C12orf42: variants seen among roughly 807,000 people sequenced by gnomAD.
The protein encoded by C12orf42 is uncharacterized protein C12orf42.
C12orf42 carries 25 observed loss-of-function variants against 21.6 expected under a neutral mutation model. That is an observed-to-expected ratio of 1.16 (90% CI 0.84 to 1.62). The LOEUF (loss-of-function observed/expected upper bound fraction) is 1.62. Among genes scored for constraint, C12orf42 ranks in the 40% most tolerant of loss-of-function variants. The pLI is 0.00. For synonymous variants in C12orf42, 174 were observed against 175.0 expected (o/e 0.99, Z 0.05); for missense variants, 483 against 459.3 (o/e 1.05, Z -0.47).
intron 4 of C12orf42, among the ~76,000 whole-genome samples, chr12:103,292,878 C>T (rs186473059): frequency 1.6e-3 from 246 of 151,926 alleles, no homozygotes; most frequent in South Asian, 0.012. Flanking sequence ...AAGAGTTTTC[C>T]ATTTAACTAC....
At chr12:103,266,478 G>C (rs561313537), downstream of C12orf42, among the ~76,000 whole-genome samples, 1 of 152,182 alleles carries the variant, frequency 6.6e-6, no homozygotes, top group East Asian at 1.9e-4. Flanking sequence ...TACAGTTAAA[G>C]TAGCTATATT....
intron 4 of C12orf42, among the ~76,000 whole-genome samples, chr12:103,322,121 GCGCGCACA>G (rs146088351): frequency 0.14 from 13,717 of 97,690 alleles, 609 homozygotes; most frequent in East Asian, 0.22. Context: ...GTGCGCGCGC[GCGCGCACA>G]CACACACACA....
chr12:103,270,424 CTG>C (rs1439120478), intron 5 of C12orf42: 1 of 151,666 alleles, frequency 6.6e-6, no homozygotes, highest in African/African-American at 2.4e-5. Context: ...TTCAATAAAA[CTG>C]TGAAAATCTA....
intron 4 of C12orf42, among the ~76,000 whole-genome samples, chr12:103,319,528 A>G (rs1022344536): frequency 3.9e-5 from 6 of 152,254 alleles, no homozygotes; most frequent in Admixed American, 1.3e-4. Context: ...TGAAACAGCA[A>G]AAGAACTCGA....
chr12:103,448,030 C>T (rs575525153), intron 2 of C12orf42, among the ~76,000 whole-genome samples: 151 of 152,046 alleles, frequency 9.9e-4, no homozygotes, highest in Non-Finnish European at 1.8e-3. Flanking sequence ...CATCACATTA[C>T]CCAACGTCAA....
chr12:103,156,260 T>C, the C12orf42 span: 2 of 152,096 alleles, frequency 1.3e-5, no homozygotes, highest in South Asian at 2.1e-4. Flanking sequence ...GATTCTTATT[T>C]ATTTAAAGGC....
At chr12:103,336,183 T>A (rs2041674051) in intron 4 of C12orf42, among the ~76,000 whole-genome samples, 1 of 152,272 alleles carries the variant, frequency 6.6e-6, no homozygotes, top group Non-Finnish European at 1.5e-5. Flanking sequence ...TAAGGTGATA[T>A]TGAACATAGC....
chr12:103,213,312 A>G, the C12orf42 span, among the ~76,000 whole-genome samples: 2 of 152,200 alleles, frequency 1.3e-5, no homozygotes, highest in African/African-American at 4.8e-5. Context: ...TGATAGGATC[A>G]GGATTGGAAC....
At chr12:103,529,766 C>T in the C12orf42 span, among the ~76,000 whole-genome samples, 1 of 152,146 alleles carries the variant, frequency 6.6e-6, no homozygotes, top group Non-Finnish European at 1.5e-5. Flanking sequence ...TGAGGTTTGG[C>T]TATTTCAATG....
chr12:103,507,130 A>C, the C12orf42 span, among the ~76,000 whole-genome samples: 1 of 17,752 alleles, frequency 5.6e-5, no homozygotes, highest in Non-Finnish European at 7.5e-5. Context: ...TATATATAAT[A>C]TATATTATAT....
At chr12:103,192,975 C>T in the C12orf42 span, among the ~76,000 whole-genome samples, 1 of 152,200 alleles carries the variant, frequency 6.6e-6, no homozygotes, top group East Asian at 1.9e-4. Flanking sequence ...TTCTCCAGGA[C>T]AGATCACATG....
At chr12:103,179,880 A>G in the C12orf42 span, among the ~76,000 whole-genome samples, 5 of 152,292 alleles carry the variant, frequency 3.3e-5, no homozygotes, top group East Asian at 9.6e-4. Context: ...AGGAAAAGGG[A>G]GAGGCTATGA....
At chr12:103,193,456 A>C in the C12orf42 span, among the ~76,000 whole-genome samples, 3 of 151,868 alleles carry the variant, frequency 2.0e-5, no homozygotes, top group East Asian at 3.8e-4. Context: ...TTCCCTCAAA[A>C]AGATAAGCAA....
chr12:103,069,676 G>A, the C12orf42 span, among the ~76,000 whole-genome samples: 6 of 152,080 alleles, frequency 3.9e-5, no homozygotes, highest in Non-Finnish European at 8.8e-5. Context: ...CGTAAGTCAG[G>A]GGCTGTCTGT....
chr12:103,091,445 G>A, the C12orf42 span, among the ~76,000 whole-genome samples: 2,607 of 151,664 alleles, frequency 0.017, 83 homozygotes, highest in African/African-American at 0.06. Flanking sequence ...CACTCTTGTC[G>A]TTCTCCTCAT....
intron 4 of C12orf42, among the ~76,000 whole-genome samples, chr12:103,308,269 A>T (rs928630319): frequency 1.3e-5 from 2 of 152,246 alleles, no homozygotes; most frequent in Non-Finnish European, 2.9e-5. Context: ...TACTTATTAT[A>T]GTGCAACATA....
the C12orf42 span, among the ~76,000 whole-genome samples, chr12:103,170,580 T>TA: frequency 8.0e-5 from 12 of 150,240 alleles, no homozygotes; most frequent in Admixed American, 2.7e-4. Flanking sequence ...TATGATCCTT[T>TA]AAAAAAAAAA....
chr12:103,078,495 C>A, the C12orf42 span, among the ~76,000 whole-genome samples: 2 of 151,112 alleles, frequency 1.3e-5, no homozygotes, highest in Admixed American at 6.6e-5. Flanking sequence ...CCTAAAGGAC[C>A]ACCACATCAA....
intron 4 of C12orf42, among the ~76,000 whole-genome samples, chr12:103,285,267 G>A (rs2036372797): frequency 6.6e-6 from 1 of 152,084 alleles, no homozygotes; most frequent in Admixed American, 6.5e-5. Context: ...ATCATAATAA[G>A]TTATATTCAT....
Sources: gnomAD v4.1 joint callset for allele counts (sites outside exome capture counted in the v4.1 genomes callset) on GRCh38, gnomAD v4.1.1 for gene constraint, MANE v1.5 for transcripts, NCBI Gene and HGNC (gene_info 2026-07-23, HGNC 2026-07-21) for gene names.